Variants in PSD3 observed in about 807,000 individuals in gnomAD.
The protein encoded by PSD3 is pleckstrin and Sec7 domain containing 3, also known as PH and SEC7 domain-containing protein 3.
PSD3 carries 49 observed loss-of-function variants against 105.5 expected under a neutral mutation model. The observed-to-expected ratio is 0.46, with a 90% CI of 0.37 to 0.59. The LOEUF is 0.59. Among genes scored for constraint, PSD3 ranks in the 20% least tolerant of loss-of-function variants. PSD3 has a pLI of 0.00. For synonymous variants in PSD3, 557 were observed against 457.8 expected, an observed-to-expected ratio of 1.22 and a Z score of -2.77; for missense variants, 1,561 against 1,263.8, an observed-to-expected ratio of 1.24 and a Z score of -3.57.
At chr8:19,014,571 T>A (rs1464815069), upstream of PSD3, 1 of 152,302 alleles carries the variant, frequency 6.6e-6, no homozygotes, top group Non-Finnish European at 1.5e-5. The surrounding 1 kb of genome is among the most constrained non-coding windows in gnomAD (Gnocchi z 4.9). Flanking sequence ...GTTAAGTAGA[T>A]CCAAGCACCT....
At chr8:18,668,887 T>C (rs761062649) in intron 9 of PSD3, among the ~76,000 whole-genome samples, 5 of 152,244 alleles carry the variant, frequency 3.3e-5, no homozygotes, top group Admixed American at 2.6e-4. Flanking sequence ...CAGTATTACA[T>C]TTCTTAGCTT....
chr8:18,799,825 T>G (rs1237227763), intron 7 of PSD3, among the ~76,000 whole-genome samples: 1 of 152,198 alleles, frequency 6.6e-6, no homozygotes, highest in East Asian at 1.9e-4. Flanking sequence ...ACACTACAAT[T>G]AGTTGTTCTC....
chr8:18,571,389 G>A (rs965833934), intron 14 of PSD3, among the ~76,000 whole-genome samples: 5 of 151,674 alleles, frequency 3.3e-5, no homozygotes, highest in Admixed American at 6.6e-5. Flanking sequence ...TTCCTATCTC[G>A]TCCCACACCT....
At chr8:19,053,040 T>G (rs759624392) in intron 1 of PSD3, among the ~76,000 whole-genome samples, 6 of 152,060 alleles carry the variant, frequency 3.9e-5, no homozygotes, top group Non-Finnish European at 8.8e-5. Flanking sequence ...ACAGGTAAAT[T>G]TAGGGAAATT....
intron 4 of PSD3, among the ~76,000 whole-genome samples, chr8:18,855,490 A>G (rs1815935197): frequency 6.6e-6 from 1 of 152,182 alleles, no homozygotes. Flanking sequence ...AACTGATCAA[A>G]CTAGGGCTGA....
intron 1 of PSD3, among the ~76,000 whole-genome samples, chr8:19,029,157 C>A (rs1286798008): frequency 6.6e-6 from 1 of 151,974 alleles, no homozygotes; most frequent in Non-Finnish European, 1.5e-5. Context: ...TTTGTATGTC[C>A]AAATAAATTG....
At position 18,745,473 on chromosome 8, in the gene PSD3, T is replaced by A. The variant is rs145354497; in HGVS notation, c.2172+19976A>T. 4.7e-3 allele frequency among the ~76,000 whole-genome samples: 721 copies of A among 152,306 alleles called. 7 individuals are homozygous for A. The highest frequency in any genetic ancestry group is 0.017 in the African/African-American group (690 of 41,578). ...TTTGGCCATTAGGAGCTCCTCCAGG[T>A]TGGCTAGGTTGGCCTTCTGGCACAC... On this transcript the variant is annotated intron_variant, in intron 9 of 15. Transcript: ENST00000327040.
chr8:18,553,284 T>G (rs1204660975), intron 15 of PSD3, among the ~76,000 whole-genome samples: 1 of 152,188 alleles, frequency 6.6e-6, no homozygotes, highest in Non-Finnish European at 1.5e-5. Context: ...CCTATGATCT[T>G]CCCTGGTGAT....
chr8:18,743,243 G>A (rs1217480379), intron 9 of PSD3, among the ~76,000 whole-genome samples: 3 of 152,164 alleles, frequency 2.0e-5, no homozygotes, highest in African/African-American at 7.2e-5. Context: ...CAATCACAGA[G>A]TGATTCCCCA....
At chr8:18,950,983 C>T (rs763220377) in intron 1 of PSD3, among the ~76,000 whole-genome samples, 16 of 152,174 alleles carry the variant, frequency 1.1e-4, no homozygotes, top group Non-Finnish European at 1.6e-4. Context: ...TAGATTGAAT[C>T]AGATTCTTAG....
intron 1 of PSD3, among the ~76,000 whole-genome samples, chr8:18,949,237 AAAAAAAAATATATATATAT>A (rs1200297988): frequency 2.8e-4 from 22 of 77,262 alleles, no homozygotes; most frequent in African/African-American, 1.1e-3. Context: ...AAAAAAAAAA[AAAAAAAAATATATATATAT>A]ATATATATAT....
intron 4 of PSD3, among the ~76,000 whole-genome samples, chr8:18,823,299 C>A (rs1249926834): frequency 1.3e-5 from 2 of 152,084 alleles, no homozygotes; most frequent in Non-Finnish European, 2.9e-5. Flanking sequence ...TCTAGACAGT[C>A]TAAGTTTTAC....
intron 14 of PSD3, among the ~76,000 whole-genome samples, chr8:18,567,553 T>C (rs1387361750): frequency 6.6e-6 from 1 of 152,226 alleles, no homozygotes; most frequent in East Asian, 1.9e-4. Context: ...CTGCAAGAAC[T>C]GTACAGTAAT....
At chr8:18,610,055 T>C (rs1313113315) in intron 11 of PSD3, among the ~76,000 whole-genome samples, 1 of 152,230 alleles carries the variant, frequency 6.6e-6, no homozygotes, top group Non-Finnish European at 1.5e-5. Context: ...TCACTTATCT[T>C]TGAAACACTT....
chr8:18,962,467 AGGTATTTTT>A, intron 1 of PSD3, among the ~76,000 whole-genome samples: 1 of 152,318 alleles, frequency 6.6e-6, no homozygotes, highest in East Asian at 1.9e-4. Flanking sequence ...ACACAGCAAA[AGGTATTTTT>A]GGTGGGAGGA....
chr8:18,936,199 C>A (rs1822123554), intron 1 of PSD3, 57 bp from the exon 2 acceptor site: 5 of 1,129,446 alleles, frequency 4.4e-6, no homozygotes, highest in Non-Finnish European at 6.6e-6. Context: ...AAAAACACAT[C>A]ATAAAACAAA....
At chr8:18,564,946 T>C (rs1281946094) in intron 14 of PSD3, among the ~76,000 whole-genome samples, 1 of 152,154 alleles carries the variant, frequency 6.6e-6, no homozygotes, top group African/African-American at 2.4e-5. Context: ...CAAACTTTTA[T>C]AAGACAATGG....
intron 9 of PSD3, among the ~76,000 whole-genome samples, chr8:18,692,297 C>A (rs920191737): frequency 1.3e-5 from 2 of 151,956 alleles, no homozygotes; most frequent in Non-Finnish European, 2.9e-5. Context: ...CAAATAATAC[C>A]CAAAATAAAT....
intron 4 of PSD3, among the ~76,000 whole-genome samples, chr8:18,863,174 G>A (rs1047332261): frequency 1.3e-5 from 2 of 152,136 alleles, no homozygotes; most frequent in African/African-American, 4.8e-5. Flanking sequence ...TTTTTCTCCT[G>A]TCCAAACCCA....
Sources: allele counts gnomAD v4.1 joint callset (sites outside exome capture counted in the v4.1 genomes callset), GRCh38; gene constraint gnomAD v4.1.1; non-coding constraint Gnocchi (gnomAD v3.1); transcripts MANE v1.5; gene names NCBI Gene and HGNC (gene_info 2026-07-23, HGNC 2026-07-21).